The following MAP3K5 variants were observed in gnomAD, a reference collection of about 807,000 sequenced individuals.
MAP3K5 encodes the protein mitogen-activated protein kinase kinase kinase 5.
In MAP3K5, 56 loss-of-function variants were observed where a neutral mutation model predicts 158.7. That is an observed-to-expected ratio of 0.35 (90% confidence interval 0.28 to 0.44). The LOEUF is 0.44. Ranked by LOEUF, MAP3K5 falls within the 20% of genes least tolerant of loss-of-function variation. The pLI is 1.00. For missense variants in MAP3K5, 1,294 were observed against 1,674.8 expected (o/e 0.77, Z 3.97); for synonymous variants, 579 against 601.7 (o/e 0.96, Z 0.55).
At chr6:136,639,493 T>G in intron 13 of MAP3K5, 50 bp downstream of exon 13, 2 of 1,006,078 alleles carry the variant, frequency 2.0e-6, no homozygotes. Context: ...TACTTGAAAA[T>G]AATGATCAGG....
At chr6:136,567,915 A>G (rs756045863) in intron 25 of MAP3K5, 41 bp from the exon 26 acceptor site, 1 of 1,590,104 alleles carries the variant, frequency 6.3e-7, no homozygotes, top group African/African-American at 1.3e-5. Flanking sequence ...ATAAAATATG[A>G]CTCATTGCCT....
At chr6:136,617,729 T>C (rs1216343379) in intron 15 of MAP3K5, among the ~76,000 whole-genome samples, 1 of 151,116 alleles carries the variant, frequency 6.6e-6, no homozygotes, top group African/African-American at 2.4e-5. Context: ...AGGTCAGGAG[T>C]TCAAGACCAG....
intron 2 of MAP3K5, among the ~76,000 whole-genome samples, chr6:136,719,748 T>C (rs1312660516): frequency 6.6e-6 from 1 of 152,176 alleles, no homozygotes; most frequent in East Asian, 1.9e-4. Context: ...CACATGAAGC[T>C]AGCTGGAAGT....
Position 136,648,526 on chromosome 6 carries a change from T to C in MAP3K5, c.1788+2458A>G, listed in dbSNP as rs984971171. 2.0e-5 allele frequency among the ~76,000 whole-genome samples: 3 copies of C among 152,336 alleles called. No homozygotes were observed. The East Asian group carries it at 5.8e-4, about 29-fold the overall frequency. On this transcript the variant is annotated intron_variant, in intron 11 of 29. Transcript: ENST00000359015. ...GCATGAGAATGGATGTTTTTCTCCA[T>C]GCTTATTATGTAATTTCATGTTGCC...
rs750034402 is a variant in MAP3K5 at position 136,792,093 on chromosome 6, C to A, written c.65G>T (p.Cys22Phe). The change falls in exon 1 of 30, where the codon TGC (cysteine) becomes TTC (phenylalanine). Residue 22 changes from cysteine (C) to phenylalanine (F), a missense_variant. By Grantham distance (205) the Cys-to-Phe change is radical. This residue lies in a region of MAP3K5 where 690 missense variants were observed against 870.5 expected (regional missense o/e 0.79). Coordinates refer to ENST00000359015, the MANE Select transcript of MAP3K5 (RefSeq NM_005923.4). This position sits in a 1 kb window ranked among gnomAD's most constrained non-coding sequence, Gnocchi z 5.7. ...SVPPFAPSGF[C>F]TIPEGGICRR... ...GCAGATGCCGCCCTCGGGGATGGTG[C>A]AGAAGCCCGAGGGGGCGAAGGGTGG... 3.2e-6 allele frequency: 5 copies of A among 1,584,258 alleles called. No homozygotes were observed. In the South Asian group the frequency reaches 5.6e-5, roughly 18 times the overall value.
At chr6:136,729,747 G>C (rs1782125429) in intron 1 of MAP3K5, among the ~76,000 whole-genome samples, 1 of 152,214 alleles carries the variant, frequency 6.6e-6, no homozygotes, top group Non-Finnish European at 1.5e-5. Context: ...GATAAAGCTA[G>C]AATCTGTAGA....
chr6:136,747,355 C>T (rs1216281526), intron 1 of MAP3K5, among the ~76,000 whole-genome samples: 2 of 152,242 alleles, frequency 1.3e-5, no homozygotes, highest in Non-Finnish European at 2.9e-5. Context: ...CTTCATAGGG[C>T]AGCAGGGCTT....
At chr6:136,758,939 G>A (rs1229090278) in intron 1 of MAP3K5, among the ~76,000 whole-genome samples, 1 of 152,206 alleles carries the variant, frequency 6.6e-6, no homozygotes, top group Non-Finnish European at 1.5e-5. Flanking sequence ...TTGGGAGGCC[G>A]AGGCAGGCAG....
intron 1 of MAP3K5, among the ~76,000 whole-genome samples, chr6:136,788,805 A>G (rs1280142576): frequency 6.6e-6 from 1 of 152,220 alleles, no homozygotes; most frequent in South Asian, 2.1e-4. Context: ...GTTGGTGAGA[A>G]TGTAAATTTG....
intron 28 of MAP3K5, 132 bp downstream of exon 28, chr6:136,561,401 C>T: frequency 1.6e-6 from 1 of 620,234 alleles, no homozygotes; most frequent in South Asian, 2.0e-5. Flanking sequence ...CTACCCTGGT[C>T]TGTAAGCCTC....
At chr6:136,634,133 T>C (rs1049198230) in intron 14 of MAP3K5, among the ~76,000 whole-genome samples, 2 of 152,248 alleles carry the variant, frequency 1.3e-5, no homozygotes, top group African/African-American at 4.8e-5. Flanking sequence ...TTTAATCAAA[T>C]ATGCAGGATG....
chr6:136,714,809 C>G (rs544150445), intron 2 of MAP3K5, among the ~76,000 whole-genome samples: 1 of 152,048 alleles, frequency 6.6e-6, no homozygotes, highest in Non-Finnish European at 1.5e-5. Context: ...TTTTTAAGGG[C>G]TAATTTAGTG....
intron 1 of MAP3K5, among the ~76,000 whole-genome samples, chr6:136,786,561 AT>A (rs1784854323): frequency 2.0e-5 from 3 of 152,188 alleles, no homozygotes; most frequent in Non-Finnish European, 4.4e-5. Flanking sequence ...AGTCTCTTGT[AT>A]ACGTAAATAA....
intron 1 of MAP3K5, among the ~76,000 whole-genome samples, chr6:136,746,608 C>A (rs781007606): frequency 6.6e-6 from 1 of 151,908 alleles, no homozygotes; most frequent in Non-Finnish European, 1.5e-5. Flanking sequence ...CTAATACCCA[C>A]GAGAGAGGGA....
chr6:136,642,503 G>A lies in MAP3K5; in HGVS notation c.1838+17C>T. 1 of 1,585,170 alleles carries A rather than the reference G, an allele frequency of 6.3e-7. No homozygotes were observed. Among genetic ancestry groups the A allele is most frequent in the Non-Finnish European group, 8.7e-7 (1 of 1,154,408 alleles). On this transcript the variant is annotated intron_variant, in intron 12 of 29. Transcript: ENST00000359015. Reference sequence around the variant, plus strand: ...AAAATGTCTTATAAGTTAACAAAATGTACCAAGGAAACTTACCTCACTCCC... The same window carrying A: ...AAAATGTCTTATAAGTTAACAAAATATACCAAGGAAACTTACCTCACTCCC...
intron 25 of MAP3K5, 46 bp from the exon 26 acceptor site, chr6:136,567,920 T>C (rs1300930162): frequency 6.3e-7 from 1 of 1,581,794 alleles, no homozygotes; most frequent in Non-Finnish European, 8.6e-7. Flanking sequence ...ATATGACTCA[T>C]TGCCTTAATT....
At chr6:136,622,743 A>G in intron 15 of MAP3K5, 105 bp downstream of exon 15, 1 of 1,243,694 alleles carries the variant, frequency 8.0e-7, no homozygotes, top group Non-Finnish European at 1.1e-6. Context: ...CACAGAGTGA[A>G]GTTTTCACAG....
At position 136,716,174 on chromosome 6, in the gene MAP3K5, CT is replaced by C. The variant is rs904820632; in HGVS notation, c.588+4275del. The stretch of plus-strand genomic sequence containing the variant: ...TATATCTCCTTATGCATGCAAGAGA[CT>C]TTTTTTACAGTATACATTTAGGGTT... On this transcript the variant is annotated intron_variant, in intron 2 of 29. Coordinates refer to ENST00000359015, the MANE Select transcript of MAP3K5 (RefSeq NM_005923.4). 5.4e-5 allele frequency among the ~76,000 whole-genome samples: 8 copies of C among 148,238 alleles called. No homozygotes were observed. The Admixed American group carries it at 5.4e-4, about 10-fold the overall frequency.
chr6:136,693,681 A>T (rs1780482584), intron 7 of MAP3K5, among the ~76,000 whole-genome samples: 1 of 152,086 alleles, frequency 6.6e-6, no homozygotes, highest in Non-Finnish European at 1.5e-5. Context: ...AATTTCATCA[A>T]ATTATTTACT....
Sources: allele counts gnomAD v4.1 joint callset (sites outside exome capture counted in the v4.1 genomes callset), GRCh38; gene constraint gnomAD v4.1.1; regional missense constraint gnomAD v4.1.1; non-coding constraint Gnocchi (gnomAD v3.1); transcripts MANE v1.5; gene names NCBI Gene and HGNC (gene_info 2026-07-23, HGNC 2026-07-21).